REST: variants seen among roughly 807,000 people sequenced by gnomAD.
The protein encoded by REST is RE1-silencing transcription factor.
Under a neutral mutation model 30.4 loss-of-function variants are expected in REST, and 1 was observed. That is an observed-to-expected ratio of 0.03 (90% CI 0.01 to 0.16). The LOEUF is 0.16. Ranked by LOEUF, REST falls within the 10% of genes least tolerant of loss-of-function variation. The pLI is 1.00. For missense variants in REST, 1,259 were observed against 1,329.5 expected (o/e 0.95, Z 0.82); for synonymous variants, 504 against 451.1 (o/e 1.12, Z -1.49).
Position 56,919,808 on chromosome 4 carries a change from A to G in REST, c.920A>G (p.Glu307Gly). Residue 307 changes from glutamate to glycine, a missense_variant, in exon 3 of 4, where the codon GAA becomes GGA. By Grantham distance (98) the Glu-to-Gly change is moderately conservative. Around this residue, in one of 5 missense-constraint regions of REST, gnomAD observed 125 missense variants for 255.4 expected, o/e 0.49. Coordinates refer to ENST00000309042, the MANE Select transcript of REST (RefSeq NM_005612.5). ...THTGERPYKC[E>G]LCPYSSSQKT... ...GCAGGAGAACGCCCATATAAATGTGAACTTTGTCCTTACTCAAGTTCTCAG... is the reference window on the plus strand; with the variant it reads ...GCAGGAGAACGCCCATATAAATGTGGACTTTGTCCTTACTCAAGTTCTCAG... 1 of 1,607,726 alleles carries G rather than the reference A, an allele frequency of 6.2e-7. No homozygotes were observed. The highest frequency in any genetic ancestry group is 8.5e-7 in the Non-Finnish European group (1 of 1,175,568).
intron 2 of REST, among the ~76,000 whole-genome samples, chr4:56,915,602 A>G (rs184564891): frequency 3.5e-3 from 530 of 152,202 alleles, no homozygotes; most frequent in Non-Finnish European, 4.6e-3. Context: ...TAATATTTTG[A>G]TTATGTAAAT....
intron 2 of REST, among the ~76,000 whole-genome samples, chr4:56,919,004 G>A (rs989446051): frequency 3.4e-5 from 5 of 146,138 alleles, no homozygotes; most frequent in Non-Finnish European, 7.5e-5. Flanking sequence ...TTTTTTAAAC[G>A]AGATGAAGTC....
Position 56,927,596 on chromosome 4 carries a change from A to G in REST, c.983-2245A>G, listed in dbSNP as rs143479990. ...AAATGTCAATTTCCGTTTTTCTACT[A>G]TGCATTCCATTGGACCAGTGGGGTA... On this transcript the variant is annotated intron_variant, in intron 3 of 3. Transcript: ENST00000309042. The G allele has an allele frequency of 4.9e-5, 52 of 1,057,120 alleles. No homozygotes were observed. The East Asian group carries it at 6.0e-4, about 12-fold the overall frequency. The allele number at this position is 1,057,120 out of a possible 1,614,324, so 65.5% of individuals were successfully genotyped here. A position where few individuals can be genotyped will look rare whatever the true frequency, so the allele number is the denominator to read the frequency against.
chr4:56,926,197 T>C (rs1468938791), intron 3 of REST, among the ~76,000 whole-genome samples: 17 of 142,650 alleles, frequency 1.2e-4, no homozygotes, highest in Middle Eastern at 4.9e-3. Context: ...GTAGCTGGGA[T>C]TACAGGCATG....
chr4:56,925,536 T>TA (rs1275545827), intron 3 of REST, among the ~76,000 whole-genome samples: 8 of 152,206 alleles, frequency 5.3e-5, no homozygotes, highest in African/African-American at 1.7e-4. Context: ...ATATTTTTGA[T>TA]ACGTATGTGT....
intron 2 of REST, among the ~76,000 whole-genome samples, chr4:56,911,954 T>C (rs1208114936): frequency 6.6e-6 from 1 of 152,034 alleles, no homozygotes; most frequent in Non-Finnish European, 1.5e-5. Context: ...AAGACCCCCG[T>C]CTCAAAAAGA....
At chr4:56,918,484 C>A (rs1356119709) in intron 2 of REST, among the ~76,000 whole-genome samples, 1 of 152,120 alleles carries the variant, frequency 6.6e-6, no homozygotes, top group Non-Finnish European at 1.5e-5. Context: ...CAGAGCGAGA[C>A]CCTGTCTCAT....
rs185256657 is a variant in REST at position 56,927,053 on chromosome 4, G to A, written c.983-2788G>A. Reference sequence around the variant, plus strand: ...GGGGGTTGCAGTGAGCCGAGATCGCGCCATTGCACTCCAGACTGGGCAACA... The same window carrying A: ...GGGGGTTGCAGTGAGCCGAGATCGCACCATTGCACTCCAGACTGGGCAACA... On this transcript the variant is annotated intron_variant, in intron 3 of 3. Transcript: ENST00000309042. 3.7e-3 allele frequency among the ~76,000 whole-genome samples: 553 copies of A among 151,480 alleles called. 3 individuals carry two copies. Among genetic ancestry groups the A allele is most frequent in the South Asian group, 7.3e-3 (35 of 4,792 alleles).
At chr4:56,920,231 C>T (rs189623948) in intron 3 of REST, among the ~76,000 whole-genome samples, 1 of 152,022 alleles carries the variant, frequency 6.6e-6, no homozygotes, top group Non-Finnish European at 1.5e-5. Context: ...AGAGTCACAA[C>T]GTGTGGTTGA....
In REST at chr4:56,930,520, TAGTC is replaced by T. The variant is rs1470754800; in HGVS notation, c.1665_1668del (p.Ser555ArgfsTer20). On this transcript the variant is annotated frameshift_variant, in exon 4 of 4. Transcript: ENST00000309042. LOFTEE classifies it low-confidence loss of function (END_TRUNC). ...AGGTAGAAAGCAAATCCAAAAATAATAGTCAGGAAGTGCCAAAGGGTGACAGCAA... is the reference window on the plus strand; with the variant it reads ...AGGTAGAAAGCAAATCCAAAAATAATAGGAAGTGCCAAAGGGTGACAGCAA... 7 of 1,610,294 alleles carry T rather than the reference TAGTC, an allele frequency of 4.3e-6. No homozygotes were observed. The highest frequency in any genetic ancestry group is 1.7e-5 in the Admixed American group (1 of 59,168).
chr4:56,913,028 C>T (rs1323658428), intron 2 of REST, among the ~76,000 whole-genome samples: 4 of 151,932 alleles, frequency 2.6e-5, no homozygotes, highest in African/African-American at 4.8e-5. Context: ...GAACACCTGG[C>T]CTCAAGTGAT....
At chr4:56,920,055 C>G in intron 3 of REST, 185 bp downstream of exon 3, 1 of 381,910 alleles carries the variant, frequency 2.6e-6, no homozygotes, top group Non-Finnish European at 4.6e-6. Flanking sequence ...GGTGGACCTC[C>G]TGAAAATGGA....
intron 3 of REST, among the ~76,000 whole-genome samples, chr4:56,927,894 T>C (rs1380623783): frequency 6.6e-6 from 1 of 152,226 alleles, no homozygotes; most frequent in Admixed American, 6.5e-5. Flanking sequence ...AAAATAGCAA[T>C]GCTAGCGCAG....
chr4:56,929,040 A>G lies in REST; in HGVS notation c.983-801A>G, dbSNP rs80118902. Among the ~76,000 whole-genome samples, 114 of 150,912 alleles carry G rather than the reference A, an allele frequency of 7.6e-4. 1 individual carries two copies. In the East Asian group the frequency reaches 0.017, roughly 23 times the overall value. Reference sequence around the variant, plus strand: ...TTGCCTCCCGAGTAGCTAGGACTACAGGTGCACTCCACTATGCCTGGCTAA... The same window carrying G: ...TTGCCTCCCGAGTAGCTAGGACTACGGGTGCACTCCACTATGCCTGGCTAA... On this transcript the variant is annotated intron_variant, in intron 3 of 3. Transcript: ENST00000309042.
At chr4:56,917,157 CTT>C (rs1000375041) in intron 2 of REST, among the ~76,000 whole-genome samples, 2 of 151,962 alleles carry the variant, frequency 1.3e-5, no homozygotes, top group African/African-American at 4.8e-5. Flanking sequence ...ATTTGTAAAT[CTT>C]TTTTTTACAG....
At chr4:56,920,103 A>T (rs548987454) in intron 3 of REST, 1 of 323,152 alleles carries the variant, frequency 3.1e-6, no homozygotes, top group Admixed American at 4.3e-5. Flanking sequence ...AGGGGCCTTA[A>T]TTCTCATCAA....
intron 2 of REST, among the ~76,000 whole-genome samples, chr4:56,916,624 G>A (rs528977629): frequency 3.3e-5 from 5 of 152,122 alleles, no homozygotes; most frequent in Non-Finnish European, 7.4e-5. Context: ...GCGACAGAGC[G>A]AGACTGCGTC....
intron 2 of REST, among the ~76,000 whole-genome samples, chr4:56,914,905 ATTTTTTTTTTTTTTAACTTTTTTTT>A (rs1200982604): frequency 3.4e-5 from 4 of 118,596 alleles, no homozygotes; most frequent in Admixed American, 1.9e-4. Context: ...CTTCATTCTG[ATTTTTTTTTTTTTTAACTTTTTTTT>A]TTTTTTTTTT....
At chr4:56,910,517 T>A in intron 1 of REST, 113 bp from the exon 2 acceptor site, 1 of 856,460 alleles carries the variant, frequency 1.2e-6, no homozygotes, top group East Asian at 2.7e-5. Context: ...TACTGAGTTA[T>A]AAAGATCATA....
Sources: gnomAD v4.1 joint callset for allele counts (sites outside exome capture counted in the v4.1 genomes callset) on GRCh38, gnomAD v4.1.1 for gene constraint, gnomAD v4.1.1 regional missense constraint, MANE v1.5 for transcripts, NCBI Gene and HGNC (gene_info 2026-07-23, HGNC 2026-07-21) for gene names.